SLC2A14: variants seen among roughly 807,000 people sequenced by gnomAD.
SLC2A14 encodes the protein solute carrier family 2 member 14, also known as solute carrier family 2, facilitated glucose transporter member 14.
Under a neutral mutation model 43.0 loss-of-function variants are expected in SLC2A14, and 13 were observed. The ratio of observed to expected loss-of-function variants is 0.30; its 90% CI spans 0.20 to 0.48. SLC2A14 has a LOEUF of 0.48. SLC2A14 is among the 20% of genes least tolerant of loss of function. SLC2A14 has a pLI of 0.99. For missense variants in SLC2A14, 428 were observed against 620.4 expected, an observed-to-expected ratio of 0.69 and a Z score of 3.29; for synonymous variants, 190 against 233.8, an observed-to-expected ratio of 0.81 and a Z score of 1.71.
chr12:7,829,451 T>A (rs1592180231), intron 5 of SLC2A14, among the ~76,000 whole-genome samples: 1 of 150,906 alleles, frequency 6.6e-6, no homozygotes, highest in East Asian at 2.0e-4. Flanking sequence ...TCCCAGCTAC[T>A]CGGGAGGCTG....
At chr12:7,848,520 C>A (rs1284079848) in intron 2 of SLC2A14, among the ~76,000 whole-genome samples, 1 of 151,648 alleles carries the variant, frequency 6.6e-6, no homozygotes, top group Non-Finnish European at 1.5e-5. Flanking sequence ...CTTGTCCCCG[C>A]CCATCCTAGC....
chr12:7,881,959 T>G (rs1246984942), intron 1 of SLC2A14, among the ~76,000 whole-genome samples: 2 of 152,002 alleles, frequency 1.3e-5, no homozygotes, highest in East Asian at 3.9e-4. Flanking sequence ...AACGCACCAA[T>G]CAGCGCCCTG....
intron 7 of SLC2A14, 28 bp from the exon 8 acceptor site, chr12:7,821,353 G>C: frequency 6.3e-7 from 1 of 1,579,320 alleles, no homozygotes; most frequent in East Asian, 2.2e-5. Context: ...ATGCAGCTTT[G>C]ATAAAATTCT....
At position 7,872,675 on chromosome 12, in the gene SLC2A14, C is replaced by A. The variant is rs35715795; in HGVS notation, c.-58+132G>T. ...CTCCAAGGCTAGTTTCCCAGAGCCG[C>A]AGCTCTCTTCTTTCTTAGCCCGGCC... On this transcript the variant is annotated intron_variant, in intron 1 of 10. Coordinates refer to ENST00000431042, the MANE Select transcript of SLC2A14 (RefSeq NM_001286234.2). The A allele has an allele frequency of 8.5e-3, 5,945 of 697,620 alleles. 40 individuals carry two copies. Among genetic ancestry groups the A allele is most frequent in the Non-Finnish European group, 9.8e-3 (5,579 of 566,928 alleles). The allele number at this position is 697,620 out of a possible 1,614,324, so 43.2% of individuals were successfully genotyped here.
At chr12:7,885,803 G>A (rs117456628) in intron 1 of SLC2A14, among the ~76,000 whole-genome samples, 1,794 of 152,102 alleles carry the variant, frequency 0.012, 36 homozygotes, top group Admixed American at 0.043. Context: ...GTGGAAAAAG[G>A]AGTCAATGGT....
chr12:7,883,590 C>CTTTTTTTTT (rs1204450230), intron 1 of SLC2A14, among the ~76,000 whole-genome samples: 3 of 95,210 alleles, frequency 3.2e-5, no homozygotes, highest in East Asian at 3.1e-4. Flanking sequence ...TTTTTCTTTT[C>CTTTTTTTTT]TTTTTTTTTT....
intron 2 of SLC2A14, among the ~76,000 whole-genome samples, chr12:7,857,531 C>A (rs541279329): frequency 2.0e-5 from 3 of 151,672 alleles, no homozygotes; most frequent in Admixed American, 2.0e-4. Context: ...AAGGTTGCAG[C>A]GAGCCAAGAT....
intron 2 of SLC2A14, among the ~76,000 whole-genome samples, chr12:7,865,408 A>G (rs906941834): frequency 3.9e-5 from 6 of 151,916 alleles, no homozygotes; most frequent in Non-Finnish European, 8.8e-5. Context: ...GTGGTGGCAC[A>G]TGCCTGTAGT....
At chr12:7,882,411 C>T (rs55681724) in intron 1 of SLC2A14, among the ~76,000 whole-genome samples, 4 of 152,064 alleles carry the variant, frequency 2.6e-5, no homozygotes, top group South Asian at 2.1e-4. Flanking sequence ...TAACACTAAC[C>T]GCGAGGGTCC....
In SLC2A14 at chr12:7,831,783, G is replaced by A; in HGVS notation, c.112-19C>T. The A allele has an allele frequency of 3.7e-6, 6 of 1,613,964 alleles. No homozygotes were observed. Among genetic ancestry groups the A allele is most frequent in the Non-Finnish European group, 5.1e-6 (6 of 1,179,864 alleles). Reference sequence around the variant, plus strand: ...TTATGATCTGCAAAATAAAAGGTGGGAGGACAGACTATTACAGTTGGATGA... The same window carrying A: ...TTATGATCTGCAAAATAAAAGGTGGAAGGACAGACTATTACAGTTGGATGA... On this transcript the variant is annotated intron_variant, in intron 3 of 10. Transcript: ENST00000431042.
chr12:7,874,869 CATATATAAATAT>C (rs1410927671), upstream of SLC2A14, among the ~76,000 whole-genome samples: 563 of 78,474 alleles, frequency 7.2e-3, no homozygotes, highest in South Asian at 0.011. Flanking sequence ...TATATAAATA[CATATATAAATAT>C]ATATTTATAT....
At chr12:7,854,353 A>G (rs946730976) in intron 2 of SLC2A14, among the ~76,000 whole-genome samples, 1 of 152,070 alleles carries the variant, frequency 6.6e-6, no homozygotes, top group Non-Finnish European at 1.5e-5. Context: ...TTTATCTCCA[A>G]AATACTCTTA....
intron 2 of SLC2A14, among the ~76,000 whole-genome samples, chr12:7,840,381 T>C (rs776227566): frequency 6.6e-6 from 1 of 152,078 alleles, no homozygotes; most frequent in Non-Finnish European, 1.5e-5. Context: ...GTTTTTGTTT[T>C]TGTTTTTGTT....
chr12:7,874,284 C>T (rs750458021), upstream of SLC2A14, among the ~76,000 whole-genome samples: 28 of 152,170 alleles, frequency 1.8e-4, no homozygotes, highest in African/African-American at 6.7e-4. Flanking sequence ...GAATTCCACT[C>T]CTAGGTATAC....
intron 1 of SLC2A14, chr12:7,890,818 C>G: frequency 3.9e-6 from 2 of 509,954 alleles, no homozygotes; most frequent in Non-Finnish European, 6.5e-6. Flanking sequence ...CTGGTACCTG[C>G]CCTTTGGACA....
intron 2 of SLC2A14, among the ~76,000 whole-genome samples, chr12:7,851,128 CG>C (rs1292824897): frequency 2.0e-5 from 3 of 152,132 alleles, no homozygotes; most frequent in Non-Finnish European, 2.9e-5. Flanking sequence ...AGTTAGAAAA[CG>C]TAAGTATCAG....
intron 6 of SLC2A14, among the ~76,000 whole-genome samples, chr12:7,828,480 C>T (rs367686971): frequency 2.0e-5 from 3 of 151,872 alleles, no homozygotes; most frequent in Non-Finnish European, 4.4e-5. Flanking sequence ...ACCCAGGAGG[C>T]GGAGGTTGCA....
intron 1 of SLC2A14, among the ~76,000 whole-genome samples, chr12:7,882,930 G>A (rs1945613543): frequency 6.6e-6 from 1 of 151,910 alleles, no homozygotes; most frequent in African/African-American, 2.4e-5. Flanking sequence ...TGCTCTCCTG[G>A]CTAGGTGTGG....
At chr12:7,863,736 C>T (rs1944746158) in intron 2 of SLC2A14, among the ~76,000 whole-genome samples, 1 of 152,086 alleles carries the variant, frequency 6.6e-6, no homozygotes, top group Non-Finnish European at 1.5e-5. Flanking sequence ...CATCTTTTGG[C>T]TTTGGAAGCC....
Sources: allele counts gnomAD v4.1 joint callset (sites outside exome capture counted in the v4.1 genomes callset), GRCh38; gene constraint gnomAD v4.1.1; transcripts MANE v1.5; gene names NCBI Gene and HGNC (gene_info 2026-07-23, HGNC 2026-07-21).